The following RIPOR3 variants were observed in gnomAD, a reference collection of about 807,000 sequenced individuals.
The protein encoded by RIPOR3 is family with sequence similarity 65 member C.
In RIPOR3, 95 loss-of-function variants were observed where a neutral mutation model predicts 114.3. That is an observed-to-expected ratio of 0.83 (90% CI 0.70 to 0.99). RIPOR3 has a LOEUF of 0.99. RIPOR3 is among the 50% of genes least tolerant of loss of function. The probability of loss-of-function intolerance (pLI) is 0.00; values close to 1 mark genes in which losing one functional copy is unlikely to be tolerated. For synonymous variants in RIPOR3, 575 were observed against 543.8 expected (o/e 1.06, Z -0.80); for missense variants, 1,252 against 1,266.9 (o/e 0.99, Z 0.18).
intron 11 of RIPOR3, among the ~76,000 whole-genome samples, chr20:50,607,018 C>T (rs1016516150): frequency 6.6e-6 from 1 of 152,202 alleles, no homozygotes; most frequent in Non-Finnish European, 1.5e-5. Flanking sequence ...GTGTGAGCCA[C>T]CGCGCCCAAC....
chr20:50,587,439 C>A, intron 21 of RIPOR3, 107 bp from the exon 22 acceptor site: 1 of 905,586 alleles, frequency 1.1e-6, no homozygotes, highest in South Asian at 1.4e-5. Context: ...TCTCAGTGGT[C>A]TCTGCAAAGC....
At chr20:50,600,109 G>T (rs2083443618) in intron 13 of RIPOR3, among the ~76,000 whole-genome samples, 2 of 152,088 alleles carry the variant, frequency 1.3e-5, no homozygotes. Context: ...TGCCATGTTG[G>T]CCAGGCTGCT....
intron 1 of RIPOR3, among the ~76,000 whole-genome samples, chr20:50,667,436 G>A (rs908260228): frequency 2.6e-5 from 4 of 151,608 alleles, no homozygotes; most frequent in South Asian, 2.1e-4. Context: ...TGTGATTACA[G>A]GCACCCGCCA....
At chr20:50,633,296 A>G (rs1449644728) in intron 1 of RIPOR3, among the ~76,000 whole-genome samples, 2 of 152,270 alleles carry the variant, frequency 1.3e-5, no homozygotes, top group African/African-American at 4.8e-5. Context: ...AAAATAGTCA[A>G]TTGTTAAATG....
chr20:50,588,851 C>A (rs1024599825), intron 20 of RIPOR3, among the ~76,000 whole-genome samples: 4 of 151,084 alleles, frequency 2.6e-5, no homozygotes, highest in African/African-American at 9.7e-5. Context: ...GAGGCCGAGG[C>A]GGGCAGATCA....
intron 2 of RIPOR3, among the ~76,000 whole-genome samples, chr20:50,623,355 G>A (rs1267057625): frequency 6.6e-6 from 1 of 152,118 alleles, no homozygotes; most frequent in African/African-American, 2.4e-5. Flanking sequence ...ATCCCAAGGG[G>A]ATTAGAGAAC....
Position 50,608,540 on chromosome 20 carries a change from G to T in RIPOR3, c.811-6C>A, listed in dbSNP as rs746182744. 9.9e-6 allele frequency: 16 copies of T among 1,613,616 alleles called. No individual in the cohort carries two copies. The highest frequency in any genetic ancestry group is 1.3e-5 in the Non-Finnish European group (15 of 1,179,892). ...AGGCCCCGCAACTCCGTCACCTGGG[G>T]GTGGGGGCTGGAGGGTGGTGTCTGA... On this transcript the variant is annotated splice_polypyrimidine_tract_variant and splice_region_variant and intron_variant, in intron 10 of 21. Transcript: ENST00000327979.
chr20:50,611,940 G>A (rs531826138), intron 4 of RIPOR3, among the ~76,000 whole-genome samples: 30 of 152,010 alleles, frequency 2.0e-4, no homozygotes, highest in Non-Finnish European at 3.5e-4. Context: ...CCTGGCCAAC[G>A]TGGCGAAACC....
At chr20:50,634,772 C>T (rs2084927174) in intron 1 of RIPOR3, among the ~76,000 whole-genome samples, 2 of 152,224 alleles carry the variant, frequency 1.3e-5, no homozygotes, top group Admixed American at 6.5e-5. Flanking sequence ...GTGGCTCACA[C>T]CTGTAATCCC....
chr20:50,687,520 G>A (rs555476683), intron 1 of RIPOR3, among the ~76,000 whole-genome samples: 4 of 152,256 alleles, frequency 2.6e-5, no homozygotes, highest in Non-Finnish European at 5.9e-5. Context: ...CTCTCCAAGG[G>A]AAAGTGAGTG....
In RIPOR3 at chr20:50,610,069, T is replaced by G. The variant is rs868345274; in HGVS notation, c.427-347A>C. ...CCTCCCCTGCCTCCCCTGCCACCCC[T>G]GCCTCACCTGCCACCCCTGCCTCAC... On this transcript the variant is annotated intron_variant, in intron 6 of 21. Coordinates refer to ENST00000327979, the MANE Select transcript of RIPOR3 (RefSeq NM_001290268.2). Among the ~76,000 whole-genome samples, 564 of 98,396 alleles carry G rather than the reference T, an allele frequency of 5.7e-3. 14 individuals are homozygous for G. Among genetic ancestry groups the G allele is most frequent in the African/African-American group, 0.023 (519 of 22,570 alleles). The allele number at this position is 98,396 out of a possible 152,430, so 64.6% of individuals were successfully genotyped here.
chr20:50,672,315 G>A lies in RIPOR3; in HGVS notation c.3+18811C>T, dbSNP rs139631701. 3.8e-3 allele frequency among the ~76,000 whole-genome samples: 582 copies of A among 152,286 alleles called. 6 individuals are homozygous for A. Among genetic ancestry groups the A allele is most frequent in the African/African-American group, 0.013 (549 of 41,550 alleles). On this transcript the variant is annotated intron_variant, in intron 1 of 21. Coordinates refer to ENST00000327979, the MANE Select transcript of RIPOR3 (RefSeq NM_001290268.2). ...TGCTTAGAGCTACCTCTGGTCAGAA[G>A]CCAGCAGAGTCCTACAGTAAAAGGG... is the stretch of plus-strand genomic sequence containing the variant.
At chr20:50,622,743 G>A (rs921441531) in intron 2 of RIPOR3, among the ~76,000 whole-genome samples, 1 of 152,036 alleles carries the variant, frequency 6.6e-6, no homozygotes, top group Non-Finnish European at 1.5e-5. Flanking sequence ...CTGCATTTTG[G>A]GGGTCCTTTT....
In RIPOR3 at chr20:50,597,716, G is replaced by A. The variant is rs1329814017; in HGVS notation, c.1660-6C>T. 1.2e-6 allele frequency: 2 copies of A among 1,611,954 alleles called. No homozygotes were observed. The highest frequency in any genetic ancestry group is 1.7e-5 in the Admixed American group (1 of 59,826). On this transcript the variant is annotated splice_polypyrimidine_tract_variant and splice_region_variant and intron_variant, in intron 13 of 21. Coordinates refer to ENST00000327979, the MANE Select transcript of RIPOR3 (RefSeq NM_001290268.2). ...TCCTGCCGTGCTCTGCAGGGCTGTG[G>A]ACGAAGTGGCCAGACCTGAGGGCAA...
At chr20:50,641,594 A>C (rs1211938605) in intron 1 of RIPOR3, among the ~76,000 whole-genome samples, 6 of 152,158 alleles carry the variant, frequency 3.9e-5, no homozygotes, top group African/African-American at 1.4e-4. Context: ...CTCGGTGCCC[A>C]GGGAAGTCAT....
At chr20:50,623,578 G>A (rs1468371292) in intron 2 of RIPOR3, among the ~76,000 whole-genome samples, 1 of 152,170 alleles carries the variant, frequency 6.6e-6, no homozygotes, top group Non-Finnish European at 1.5e-5. Flanking sequence ...TGTGTGAGAG[G>A]AGGAGAAGGG....
At chr20:50,639,401 C>A (rs2085110074) in intron 1 of RIPOR3, among the ~76,000 whole-genome samples, 1 of 152,106 alleles carries the variant, frequency 6.6e-6, no homozygotes, top group African/African-American at 2.4e-5. Context: ...TGAGCAGAAC[C>A]CCTCTTTCTA....
chr20:50,662,964 C>T (rs953703791), intron 1 of RIPOR3, among the ~76,000 whole-genome samples: 6 of 152,004 alleles, frequency 3.9e-5, no homozygotes, highest in Non-Finnish European at 8.8e-5. Context: ...ATTGTCATAG[C>T]GCATGCCTGT....
chr20:50,586,440 G>A lies in RIPOR3; in HGVS notation c.*792C>T, dbSNP rs1158782059. 1.3e-5 allele frequency: 2 copies of A among 150,974 alleles called. No individual in the cohort carries two copies. The highest frequency in any genetic ancestry group is 2.5e-5 in the African/African-American group (1 of 40,352). 9.4% of individuals were successfully genotyped at this position (150,974 alleles called of 1,614,324 possible). A position where few individuals can be genotyped will look rare whatever the true frequency, so the allele number is the denominator to read the frequency against. On this transcript the variant is annotated 3_prime_UTR_variant, in exon 22 of 22. Transcript: ENST00000327979. ...GATGGCTTCTTAGCAGTTTATTGAC[G>A]AGATCCTAGGGTAGCTTCCGAAGCT...
Sources: gnomAD v4.1 joint callset for allele counts (sites outside exome capture counted in the v4.1 genomes callset) on GRCh38, gnomAD v4.1.1 for gene constraint, MANE v1.5 for transcripts, NCBI Gene and HGNC (gene_info 2026-07-23, HGNC 2026-07-21) for gene names.